TLK1: variants seen among roughly 807,000 people sequenced by gnomAD.
TLK1 encodes tousled like kinase 1.
A neutral mutation model predicts 105.3 loss-of-function variants in TLK1; 24 were observed. That is an observed-to-expected ratio of 0.23 (90% confidence interval 0.17 to 0.32). The LOEUF (loss-of-function observed/expected upper bound fraction) is 0.32. Ranked by LOEUF, TLK1 falls within the 10% of genes least tolerant of loss-of-function variation. TLK1 has a pLI of 1.00. For missense variants in TLK1, 558 were observed against 910.5 expected (o/e 0.61, Z 4.98); for synonymous variants, 321 against 310.4 (o/e 1.03, Z -0.36).
intron 12 of TLK1, among the ~76,000 whole-genome samples, chr2:171,026,577 C>A (rs1418353324): frequency 1.3e-5 from 2 of 152,042 alleles, no homozygotes; most frequent in South Asian, 4.1e-4. Context: ...AAGATAATAA[C>A]CCTTCAGTAA....
intron 1 of TLK1, among the ~76,000 whole-genome samples, chr2:171,158,889 C>A (rs969569309): frequency 6.6e-6 from 1 of 152,182 alleles, no homozygotes. Flanking sequence ...AAGGGGGAAA[C>A]GTCTGTCAAT....
intron 7 of TLK1, 112 bp downstream of exon 7, chr2:171,054,971 G>T: frequency 1.9e-6 from 1 of 521,098 alleles, no homozygotes; most frequent in Non-Finnish European, 3.1e-6. Context: ...CTTTCTTGAT[G>T]TGTAATTCTG....
At chr2:171,080,833 G>A (rs539981324) in intron 3 of TLK1, among the ~76,000 whole-genome samples, 10 of 151,456 alleles carry the variant, frequency 6.6e-5, no homozygotes, top group South Asian at 6.3e-4. Context: ...TCAGCCTCTC[G>A]AGTAGATGGG....
chr2:171,014,919 T>C lies in TLK1; in HGVS notation c.1266A>G (p.Glu422=), dbSNP rs897957021. 2 of 1,613,898 alleles carry C rather than the reference T, an allele frequency of 1.2e-6. No individual in the cohort carries two copies. Among genetic ancestry groups the C allele is most frequent in the African/African-American group, 1.3e-5 (1 of 74,918 alleles). The change falls in exon 13 of 21, where the codon GAA becomes GAG. Residue 422 remains glutamate (E), a synonymous_variant. Coordinates refer to ENST00000431350, the MANE Select transcript of TLK1 (RefSeq NM_012290.5). ...KEEAEIQAEL[E]RLERVRNLHI... ...GAAGATTTCTGACTCTTTCCAAACGTTCAAGTTCTGCCTGGATTTCTGCCT... is the reference window on the plus strand; with the variant it reads ...GAAGATTTCTGACTCTTTCCAAACGCTCAAGTTCTGCCTGGATTTCTGCCT...
intron 1 of TLK1, among the ~76,000 whole-genome samples, chr2:171,134,312 C>A (rs1017046651): frequency 1.3e-5 from 2 of 152,102 alleles, no homozygotes; most frequent in African/African-American, 4.8e-5. Flanking sequence ...ATCAGAAATT[C>A]CCCTTACTGT....
In TLK1 at chr2:171,082,812, CT is replaced by C. The variant is rs754052323; in HGVS notation, c.298del (p.Ser100AlafsTer5). 6.2e-7 allele frequency: 1 copy of C among 1,610,488 alleles called. No homozygotes were observed. The highest frequency in any genetic ancestry group is 1.7e-5 in the Admixed American group (1 of 59,508). On this transcript the variant is annotated frameshift_variant, in exon 3 of 21. Transcript: ENST00000431350. LOFTEE classifies it high-confidence loss of function. ...TTCTTTGTCACTTAAAGATCCCAAG[CT>C]TCCAAAACTGTGATTAGAGCTTTCG... ...NNESSNHSFG[S>X]LGSLSDKESE... is the part of the protein sequence containing the mutation.
chr2:171,152,627 T>A (rs1470877813), intron 1 of TLK1, among the ~76,000 whole-genome samples: 1 of 152,186 alleles, frequency 6.6e-6, no homozygotes, highest in South Asian at 2.1e-4. Context: ...CCCTTGCCCA[T>A]ACTGAATACT....
intron 4 of TLK1, chr2:171,059,819 T>C: frequency 6.8e-6 from 5 of 736,946 alleles, no homozygotes; most frequent in Admixed American, 5.6e-5. Flanking sequence ...ATCCCTTGCA[T>C]GTGCAGTTCA....
intron 11 of TLK1, among the ~76,000 whole-genome samples, chr2:171,033,343 T>C (rs751912201): frequency 1.4e-4 from 22 of 151,860 alleles, no homozygotes; most frequent in Non-Finnish European, 2.9e-4. Context: ...ATACATTTCA[T>C]AAAAATTAAA....
chr2:171,172,955 T>C (rs1468415774), intron 1 of TLK1, among the ~76,000 whole-genome samples: 1 of 152,258 alleles, frequency 6.6e-6, no homozygotes, highest in South Asian at 2.1e-4. Context: ...TTTGGATATA[T>C]GTATAGTCCA....
chr2:171,184,912 C>A (rs956333389), intron 1 of TLK1, among the ~76,000 whole-genome samples: 3 of 152,044 alleles, frequency 2.0e-5, no homozygotes, highest in Non-Finnish European at 2.9e-5. Flanking sequence ...GATCTCGGCT[C>A]ACTACAAGCT....
At chr2:171,098,078 A>G (rs1369105772) in intron 2 of TLK1, among the ~76,000 whole-genome samples, 1 of 152,202 alleles carries the variant, frequency 6.6e-6, no homozygotes, top group Non-Finnish European at 1.5e-5. Flanking sequence ...AGCAGAGAGT[A>G]CAACGATGGT....
intron 1 of TLK1, among the ~76,000 whole-genome samples, chr2:171,219,578 G>C (rs919179548): frequency 6.6e-6 from 1 of 151,844 alleles, no homozygotes. Flanking sequence ...AGAGTCAAGA[G>C]AGCTTTCTGG....
intron 3 of TLK1, among the ~76,000 whole-genome samples, chr2:171,062,906 T>G (rs993778886): frequency 6.6e-6 from 1 of 152,268 alleles, no homozygotes; most frequent in East Asian, 1.9e-4. Context: ...ACTCAGGAGG[T>G]AGACTGATGT....
chr2:171,134,522 T>C (rs1003446928), intron 1 of TLK1, among the ~76,000 whole-genome samples: 5 of 151,970 alleles, frequency 3.3e-5, no homozygotes, highest in African/African-American at 1.2e-4. Flanking sequence ...GGCCAAGAAA[T>C]GAAAAGATGC....
intron 11 of TLK1, among the ~76,000 whole-genome samples, chr2:171,037,640 T>C (rs1686434848): frequency 6.6e-6 from 1 of 152,206 alleles, no homozygotes; most frequent in African/African-American, 2.4e-5. Context: ...ATATGATTTT[T>C]CTATTTATGT....
At chr2:171,029,660 G>A (rs1685944611) in intron 11 of TLK1, among the ~76,000 whole-genome samples, 2 of 151,036 alleles carry the variant, frequency 1.3e-5, no homozygotes, top group African/African-American at 4.9e-5. Context: ...ATAGATACAG[G>A]ACTTTAAGTC....
At chr2:171,082,611 A>G (rs1301647028) in intron 3 of TLK1, among the ~76,000 whole-genome samples, 170 bp downstream of exon 3, 2 of 152,226 alleles carry the variant, frequency 1.3e-5, no homozygotes, top group Non-Finnish European at 2.9e-5. Flanking sequence ...TGCCAAATGC[A>G]GTCTTCAATC....
At chr2:170,998,641 T>C (rs1260202747) in intron 18 of TLK1, among the ~76,000 whole-genome samples, 1 of 152,228 alleles carries the variant, frequency 6.6e-6, no homozygotes, top group African/African-American at 2.4e-5. Context: ...GGCATTAAAC[T>C]ACAATCACAC....
Sources: gnomAD v4.1 joint callset for allele counts (sites outside exome capture counted in the v4.1 genomes callset) on GRCh38, gnomAD v4.1.1 for gene constraint, MANE v1.5 for transcripts, NCBI Gene and HGNC (gene_info 2026-07-23, HGNC 2026-07-21) for gene names.